TGM5: variants seen among roughly 807,000 people sequenced by gnomAD.
The protein encoded by TGM5 is protein-glutamine gamma-glutamyltransferase 5.
TGM5 carries 69 observed loss-of-function variants against 77.2 expected under a neutral mutation model. The ratio of observed to expected loss-of-function variants is 0.89; its 90% CI spans 0.74 to 1.09. The LOEUF (loss-of-function observed/expected upper bound fraction) is 1.09, where lower values mean the gene tolerates loss of function less well. Among genes scored for constraint, TGM5 ranks in the 50% least tolerant of loss-of-function variants. The probability of loss-of-function intolerance (pLI) is 0.00; values close to 1 mark genes in which losing one functional copy is unlikely to be tolerated. For missense variants in TGM5, 842 were observed against 896.5 expected (o/e 0.94, Z 0.78); for synonymous variants, 346 against 351.8 (o/e 0.98, Z 0.18).
intron 9 of TGM5, 39 bp downstream of exon 9, chr15:43,238,778 A>G (rs1213129999): frequency 3.7e-6 from 6 of 1,610,664 alleles, no homozygotes; most frequent in Non-Finnish European, 5.1e-6. Context: ...AGGTTCCTGC[A>G]GGGCTGGGGC....
At position 43,233,059 on chromosome 15, in the gene TGM5, G is replaced by A. The variant is rs916861661; in HGVS notation, c.*132C>T. The A allele has an allele frequency of 1.4e-5, 16 of 1,121,680 alleles. No homozygotes were observed. The Middle Eastern group carries it at 6.5e-4, about 46-fold the overall frequency. 69.5% of individuals were successfully genotyped at this position (1,121,680 alleles called of 1,614,324 possible). ...GTCAGGAGAGACAGAAAATGAACAC[G>A]TCATCCCCTCTGTGGCTCTTGCTGG... On this transcript the variant is annotated 3_prime_UTR_variant, in exon 13 of 13. Transcript: ENST00000220420.
chr15:43,266,471 C>T (rs992811645), intron 1 of TGM5, among the ~76,000 whole-genome samples: 2 of 152,208 alleles, frequency 1.3e-5, no homozygotes, highest in African/African-American at 2.4e-5. Context: ...TCCAATCCCT[C>T]CTTTTTCAGG....
At position 43,252,898 on chromosome 15, in the gene TGM5, G is replaced by A; in HGVS notation, c.723C>T (p.Asn241=). 2 of 1,613,790 alleles carry A rather than the reference G, an allele frequency of 1.2e-6. No individual in the cohort carries two copies. Among genetic ancestry groups the A allele is most frequent in the Non-Finnish European group, 1.7e-6 (2 of 1,180,030 alleles). ...CGCCGTCTGTGTAATTCTCACTCCAGTTTCCATTGAGCACCCCATTATCAT... is the reference window on the plus strand; with the variant it reads ...CGCCGTCTGTGTAATTCTCACTCCAATTTCCATTGAGCACCCCATTATCAT... The part of the protein sequence containing the change: ...SNDDNGVLNG[N]WSENYTDGAN... The change falls in exon 6 of 13, where the codon AAC becomes AAT. Residue 241 remains asparagine, a synonymous_variant. Coordinates refer to ENST00000220420, the MANE Select transcript of TGM5 (RefSeq NM_201631.4).
intron 7 of TGM5, chr15:43,239,844 G>C (rs1277768825): frequency 1.8e-5 from 3 of 164,768 alleles, no homozygotes; most frequent in African/African-American, 4.8e-5. Context: ...TGGCCCCTTT[G>C]TGTGCGTTGA....
intron 6 of TGM5, among the ~76,000 whole-genome samples, chr15:43,252,331 T>G (rs1347385465): frequency 1.3e-5 from 2 of 152,174 alleles, no homozygotes; most frequent in Non-Finnish European, 2.9e-5. Flanking sequence ...TTATTTATTT[T>G]TTGAGATGGA....
intron 1 of TGM5, among the ~76,000 whole-genome samples, chr15:43,261,101 T>TTG (rs2042787594): frequency 7.3e-6 from 1 of 136,486 alleles, no homozygotes; most frequent in Admixed American, 7.3e-5. Context: ...TTTTTTTTTT[T>TTG]TTTTTTGAGA....
intron 6 of TGM5, among the ~76,000 whole-genome samples, chr15:43,251,744 G>T (rs1415856165): frequency 6.6e-6 from 1 of 152,172 alleles, no homozygotes. Context: ...ACCTCCATGT[G>T]TGACTCATTT....
chr15:43,241,172 G>C (rs1291201681), intron 6 of TGM5, 182 bp from the exon 7 acceptor site: 6 of 795,844 alleles, frequency 7.5e-6, no homozygotes, highest in Non-Finnish European at 1.0e-5. Flanking sequence ...GGAGCTCATG[G>C]GAGAGATTCT....
chr15:43,265,545 CT>C, intron 1 of TGM5, among the ~76,000 whole-genome samples: 1 of 152,326 alleles, frequency 6.6e-6, no homozygotes, highest in South Asian at 2.1e-4. Flanking sequence ...ACAGGAATGA[CT>C]CTTCAGCCCA....
In TGM5 at chr15:43,260,161, C is replaced by A. The variant is rs1371623265; in HGVS notation, c.327G>T (p.Thr109=). The part of the protein sequence containing the change: ...STEVSLCAPP[T]AAVGRYLLKI... ...TCAAGAGGTACCGACCCACGGCCGC[C>A]GTGGGAGGAGCGCACAAGCTCACCT... Residue 109 remains threonine, a synonymous_variant, in exon 3 of 13, where the codon ACG becomes ACT. Coordinates refer to ENST00000220420, the MANE Select transcript of TGM5 (RefSeq NM_201631.4). 6.2e-7 allele frequency: 1 copy of A among 1,614,012 alleles called. No individual in the cohort carries two copies. Among genetic ancestry groups the A allele is most frequent in the Non-Finnish European group, 8.5e-7 (1 of 1,180,040 alleles).
intron 4 of TGM5, among the ~76,000 whole-genome samples, chr15:43,255,979 G>A (rs1428409796): frequency 6.6e-6 from 1 of 152,196 alleles, no homozygotes; most frequent in African/African-American, 2.4e-5. Flanking sequence ...TTTTTGTAAT[G>A]TCTCTTTGCA....
At chr15:43,254,455 G>A (rs2042730010) in intron 4 of TGM5, among the ~76,000 whole-genome samples, 1 of 152,188 alleles carries the variant, frequency 6.6e-6, no homozygotes, top group Non-Finnish European at 1.5e-5. Flanking sequence ...GCAACATGCA[G>A]AATTAGGAGG....
In TGM5 at chr15:43,253,524, G is replaced by A. The variant is rs1323791294; in HGVS notation, c.666C>T (p.Ser222=). ...ACCTCACCATGGCACACACCACTCT[G>A]CTGACGTAGACGGGGCTTCCCCGCA... is the stretch of plus-strand genomic sequence containing the variant. ...CALRGSPVYV[S]RVVCAMINSN... Residue 222 remains serine, a synonymous_variant, in exon 5 of 13, where the codon AGC becomes AGT. Coordinates refer to ENST00000220420, the MANE Select transcript of TGM5 (RefSeq NM_201631.4). 1 of 1,612,824 alleles carries A rather than the reference G, an allele frequency of 6.2e-7. No homozygotes were observed. Among genetic ancestry groups the A allele is most frequent in the East Asian group, 2.2e-5 (1 of 44,880 alleles).
In TGM5 at chr15:43,238,998, C is replaced by T. The variant is rs938389568; in HGVS notation, c.1164G>A (p.Leu388=). The change falls in exon 9 of 13, where the codon CTG becomes CTA. Residue 388 remains leucine (L), a synonymous_variant. Transcript: ENST00000220420. ...AAAACACAAAGGGCGTGTCATAGTTCAGGTCCACTTCTCCTTCTTTGATGG... is the reference window on the plus strand; with the variant it reads ...AAAACACAAAGGGCGTGTCATAGTTTAGGTCCACTTCTCCTTCTTTGATGG... ...VRAIKEGEVD[L]NYDTPFVFSM... The T allele has an allele frequency of 6.8e-6, 11 of 1,614,152 alleles. No homozygotes were observed. In the East Asian group the frequency reaches 2.5e-4, roughly 36 times the overall value.
In TGM5 at chr15:43,233,612, C is replaced by T; in HGVS notation, c.1951G>A (p.Glu651Lys). ...CCTTCCACAGTCAGCACACAGTCCTCAACCTGCTCCGAGAGGGGGTTTGAA... is the reference window on the plus strand; with the variant it reads ...CCTTCCACAGTCAGCACACAGTCCTTAACCTGCTCCGAGAGGGGGTTTGAA... ...IFSNPLSEQV[E>K]DCVLTVEGSG... Residue 651 changes from glutamate (E) to lysine (K), a missense_variant, in exon 12 of 13, where the codon GAG becomes AAG. By Grantham distance (56) the Glu-to-Lys change is moderately conservative. Transcript: ENST00000220420. The T allele has an allele frequency of 6.2e-7, 1 of 1,614,230 alleles. No homozygotes were observed. The highest frequency in any genetic ancestry group is 8.5e-7 in the Non-Finnish European group (1 of 1,180,036).
At chr15:43,244,298 G>A (rs140373429) in intron 6 of TGM5, among the ~76,000 whole-genome samples, 13 of 152,296 alleles carry the variant, frequency 8.5e-5, no homozygotes, top group African/African-American at 2.9e-4. Context: ...TACATTCCTA[G>A]TACAAGGCTG....
chr15:43,239,332 G>T (rs1338078729), intron 7 of TGM5, 66 bp from the exon 8 acceptor site: 1 of 1,517,956 alleles, frequency 6.6e-7, no homozygotes, highest in African/African-American at 1.4e-5. Flanking sequence ...GCAAGGGAGG[G>T]ATGAGCAAAT....
Position 43,240,913 on chromosome 15 carries a change from T to G in TGM5, c.940A>C (p.Ile314Leu). The G allele has an allele frequency of 6.2e-7, 1 of 1,614,200 alleles. No individual in the cohort carries two copies. Among genetic ancestry groups the G allele is most frequent in the Non-Finnish European group, 8.5e-7 (1 of 1,180,034 alleles). The change falls in exon 7 of 13, where the codon ATA (isoleucine) becomes CTA (leucine). Residue 314 changes from isoleucine to leucine, a missense_variant. Physicochemically the swap from Ile to Leu is conservative, Grantham distance 5 (BLOSUM62 2). This residue lies in a region of TGM5 where 815 missense variants were observed against 844.6 expected (regional missense o/e 0.96). Transcript: ENST00000220420. ...SGHDTDGNLIIDEYYDNTGRI... is the reference protein window; with the variant it reads ...SGHDTDGNLILDEYYDNTGRI... ...CCTGTGTTGTCATAATACTCATCTATGATCAGGTTTCCATCTGTATCGTGG... is the reference window on the plus strand; with the variant it reads ...CCTGTGTTGTCATAATACTCATCTAGGATCAGGTTTCCATCTGTATCGTGG...
At chr15:43,249,956 C>G (rs2042693295) in intron 6 of TGM5, among the ~76,000 whole-genome samples, 1 of 152,204 alleles carries the variant, frequency 6.6e-6, no homozygotes, top group African/African-American at 2.4e-5. Context: ...TCACTTTAAG[C>G]CTGCTTCCTC....
Sources: gnomAD v4.1 joint callset for allele counts (sites outside exome capture counted in the v4.1 genomes callset) on GRCh38, gnomAD v4.1.1 for gene constraint, gnomAD v4.1.1 regional missense constraint, MANE v1.5 for transcripts, NCBI Gene and HGNC (gene_info 2026-07-23, HGNC 2026-07-21) for gene names.